The following BLMH variants were observed in gnomAD, a reference collection of about 807,000 sequenced individuals.
BLMH encodes the protein bleomycin hydrolase, also known as BLM hydrolase.
A neutral mutation model predicts 61.6 loss-of-function variants in BLMH; 32 were observed. That is an observed-to-expected ratio of 0.52 (90% CI 0.39 to 0.70). BLMH has a LOEUF of 0.70. BLMH is among the 30% of genes least tolerant of loss of function. The pLI is 0.00. For synonymous variants in BLMH, 183 were observed against 193.8 expected, an observed-to-expected ratio of 0.94 and a Z score of 0.46; for missense variants, 460 against 555.5, an observed-to-expected ratio of 0.83 and a Z score of 1.73.
intron 6 of BLMH, among the ~76,000 whole-genome samples, chr17:30,278,666 CT>C (rs1015375548): frequency 3.3e-5 from 5 of 151,996 alleles, no homozygotes; most frequent in Non-Finnish European, 7.4e-5. Flanking sequence ...GAACACGTGA[CT>C]TTTTTTGTGG....
chr17:30,272,483 G>T (rs1908303987), intron 9 of BLMH, 78 bp downstream of exon 9: 1 of 1,516,658 alleles, frequency 6.6e-7, no homozygotes, highest in Non-Finnish European at 9.2e-7. Context: ...AACCTCGGCA[G>T]AGTCATTTTG....
Position 30,285,468 on chromosome 17 carries a change from A to G in BLMH, c.565T>C (p.Cys189Arg). 1 of 1,609,896 alleles carries G rather than the reference A, an allele frequency of 6.2e-7. No homozygotes were observed. Among genetic ancestry groups the G allele is most frequent in the Non-Finnish European group, 8.5e-7 (1 of 1,178,096 alleles). ...DILNHKMREF[C>R]IRLRNLVHSG... ...TGTACCAGGTTCCGCAGTCGTATAC[A>G]GAATTCTCTCATCTATGACAGAAAC... is the stretch of plus-strand genomic sequence containing the variant. The change falls in exon 6 of 12, where the codon TGT (cysteine) becomes CGT (arginine). Residue 189 changes from cysteine to arginine, a missense_variant. Cys to Arg is a radical substitution (Grantham distance 180, BLOSUM62 -3). Coordinates refer to ENST00000261714, the MANE Select transcript of BLMH (RefSeq NM_000386.4).
rs1907612694 is a variant in BLMH at position 30,249,350 on chromosome 17, G to C, written c.1217-182C>G. The C allele has an allele frequency of 7.3e-6, 5 of 682,816 alleles. No individual in the cohort carries two copies. The East Asian group carries it at 1.5e-4, about 20-fold the overall frequency. 42.3% of individuals were successfully genotyped at this position (682,816 alleles called of 1,614,324 possible). On this transcript the variant is annotated intron_variant, in intron 11 of 11. Coordinates refer to ENST00000261714, the MANE Select transcript of BLMH (RefSeq NM_000386.4). Reference sequence around the variant, plus strand: ...CTGTGAAGCAGATAGGACAGGCATGGCTCTATTTTTAGAAAAATTAGAAAA... The same window carrying C: ...CTGTGAAGCAGATAGGACAGGCATGCCTCTATTTTTAGAAAAATTAGAAAA...
intron 10 of BLMH, among the ~76,000 whole-genome samples, chr17:30,270,201 C>CT (rs1251663186): frequency 6.6e-6 from 1 of 152,150 alleles, no homozygotes; most frequent in African/African-American, 2.4e-5. Flanking sequence ...AAACAATTCT[C>CT]TATCAAACCA....
chr17:30,248,914 T>TG lies in BLMH; in HGVS notation c.*102dup. ...AGACTGGAAATCTGACTGTGTCCTG[T>TG]GGCAACACACAGTCCCTTGCATAAC... On this transcript the variant is annotated 3_prime_UTR_variant, in exon 12 of 12. Transcript: ENST00000261714. The TG allele has an allele frequency of 7.2e-7, 1 of 1,390,096 alleles. No individual in the cohort carries two copies. The allele number at this position is 1,390,096 out of a possible 1,614,324, so 86.1% of individuals were successfully genotyped here. A position where few individuals can be genotyped will look rare whatever the true frequency, so the allele number is the denominator to read the frequency against.
At chr17:30,272,956 C>A in intron 7 of BLMH, 57 bp from the exon 8 acceptor site, 1 of 1,564,158 alleles carries the variant, frequency 6.4e-7, no homozygotes. Context: ...TCAAGCAACA[C>A]ACAGCTCTCC....
Position 30,291,728 on chromosome 17 carries a change from C to T in BLMH, c.13+79G>A, listed in dbSNP as rs1203170164. The T allele has an allele frequency of 7.6e-5, 108 of 1,417,876 alleles. 1 individual carries two copies. The highest frequency in any genetic ancestry group is 5.1e-4 in the Middle Eastern group (2 of 3,892). The allele number at this position is 1,417,876 out of a possible 1,614,324, so 87.8% of individuals were successfully genotyped here. A position where few individuals can be genotyped will look rare whatever the true frequency, so the allele number is the denominator to read the frequency against. On this transcript the variant is annotated intron_variant, in intron 1 of 11. Transcript: ENST00000261714. ...CGCCATCGCCAAGGGTCCCAGCCCC[C>T]GGCCTTCCCCGCCGCCGGGCCTCAC...
chr17:30,286,485 C>T (rs984383640), intron 5 of BLMH, among the ~76,000 whole-genome samples: 4 of 152,164 alleles, frequency 2.6e-5, no homozygotes, highest in Non-Finnish European at 4.4e-5. Context: ...GCAGTCCTAG[C>T]CCACCTCCAC....
chr17:30,251,287 A>C lies in BLMH; in HGVS notation c.1217-2119T>G, dbSNP rs576663517. Among the ~76,000 whole-genome samples, 8 of 152,316 alleles carry C rather than the reference A, an allele frequency of 5.3e-5. No homozygotes were observed. The South Asian group carries it at 1.4e-3, about 28-fold the overall frequency. ...GTTCTTTCAGGAACAGATCTCCAAAAAACTTAAATGGGAAAAAAATGCTTT... is the reference window on the plus strand; with the variant it reads ...GTTCTTTCAGGAACAGATCTCCAAACAACTTAAATGGGAAAAAAATGCTTT... On this transcript the variant is annotated intron_variant, in intron 11 of 11. Transcript: ENST00000261714.
chr17:30,287,970 T>C, intron 3 of BLMH, 23 bp from the exon 4 acceptor site: 2 of 1,595,438 alleles, frequency 1.3e-6, no homozygotes, highest in Non-Finnish European at 1.7e-6. Context: ...GAAAGTTAAA[T>C]AACATTAAAA....
In BLMH at chr17:30,286,808, T is replaced by C. The variant is rs537733871; in HGVS notation, c.552+6A>G. On this transcript the variant is annotated splice_donor_region_variant and intron_variant, in intron 5 of 11. Transcript: ENST00000261714. ...ACTCAATCCCACCCTGCTTCATATATTGTACCTTGTGATTCAGAATATCAT... is the reference window on the plus strand; with the variant it reads ...ACTCAATCCCACCCTGCTTCATATACTGTACCTTGTGATTCAGAATATCAT... 1.3e-6 allele frequency: 2 copies of C among 1,564,962 alleles called. No individual in the cohort carries two copies. The highest frequency in any genetic ancestry group is 1.8e-6 in the Non-Finnish European group (2 of 1,136,800).
intron 6 of BLMH, among the ~76,000 whole-genome samples, chr17:30,284,246 T>C (rs780299152): frequency 6.6e-6 from 1 of 152,244 alleles, no homozygotes; most frequent in Non-Finnish European, 1.5e-5. Flanking sequence ...ACAGCTATTG[T>C]GCCAAGCACT....
chr17:30,251,957 ATAT>A (rs1907678971), intron 11 of BLMH: 1 of 151,860 alleles, frequency 6.6e-6, no homozygotes, highest in Admixed American at 6.5e-5. Context: ...GAAAAAAATT[ATAT>A]TATGTAAAAA....
chr17:30,283,148 C>T (rs1457584836), intron 6 of BLMH, among the ~76,000 whole-genome samples: 1 of 152,110 alleles, frequency 6.6e-6, no homozygotes, highest in Non-Finnish European at 1.5e-5. Context: ...GGCAACAAAG[C>T]AAGACTCTGT....
At chr17:30,275,992 C>T (rs1472427284) in intron 6 of BLMH, among the ~76,000 whole-genome samples, 1 of 152,050 alleles carries the variant, frequency 6.6e-6, no homozygotes, top group African/African-American at 2.4e-5. Context: ...TCTCATAATA[C>T]CCTCTCAAGG....
chr17:30,290,829 C>T (rs1908865313), intron 2 of BLMH, among the ~76,000 whole-genome samples: 1 of 152,206 alleles, frequency 6.6e-6, no homozygotes, highest in Non-Finnish European at 1.5e-5. Flanking sequence ...GAACTGAGCC[C>T]ATCAGCACAT....
intron 11 of BLMH, among the ~76,000 whole-genome samples, chr17:30,251,086 TG>T (rs955785526): frequency 1.3e-5 from 2 of 152,068 alleles, no homozygotes; most frequent in African/African-American, 2.4e-5. Context: ...GCACTCAGGA[TG>T]GAAGAGTGGG....
chr17:30,263,988 T>C (rs114746965), intron 11 of BLMH, among the ~76,000 whole-genome samples: 1 of 152,308 alleles, frequency 6.6e-6, no homozygotes, highest in East Asian at 1.9e-4. Context: ...TGCCAGCCAA[T>C]GTCCACTAGG....
chr17:30,285,331 G>C (rs1197125440), intron 6 of BLMH, 57 bp downstream of exon 6: 3 of 1,192,334 alleles, frequency 2.5e-6, no homozygotes, highest in Non-Finnish European at 3.6e-6. Context: ...TTAACAGATG[G>C]GAATATTCTG....
Sources: allele counts gnomAD v4.1 joint callset (sites outside exome capture counted in the v4.1 genomes callset), GRCh38; gene constraint gnomAD v4.1.1; transcripts MANE v1.5; gene names NCBI Gene and HGNC (gene_info 2026-07-23, HGNC 2026-07-21).